ZNF76: variants seen among roughly 807,000 people sequenced by gnomAD.
The protein encoded by ZNF76 is zinc finger protein 76.
A neutral mutation model predicts 66.9 loss-of-function variants in ZNF76; 66 were observed. That is an observed-to-expected ratio of 0.99 (90% CI 0.81 to 1.21). The LOEUF (loss-of-function observed/expected upper bound fraction) is 1.21. Ranked by LOEUF, ZNF76 falls within the 50% of genes most tolerant of loss-of-function variation. ZNF76 has a pLI of 0.00. For synonymous variants in ZNF76, 275 were observed against 296.1 expected (o/e 0.93, Z 0.73); for missense variants, 729 against 760.3 (o/e 0.96, Z 0.48).
rs1483580086 is a variant in ZNF76, at chr6:35,287,857, C to T, written c.432+12C>T. ...AGTATGCCAGCAAGGTGAGCACGCACAGCGTGACACGGTCTGTCACTCTAG... is the reference window on the plus strand; with the variant it reads ...AGTATGCCAGCAAGGTGAGCACGCATAGCGTGACACGGTCTGTCACTCTAG... On this transcript the variant is annotated intron_variant, in intron 5 of 13. Coordinates refer to ENST00000373953, the MANE Select transcript of ZNF76 (RefSeq NM_003427.5). The surrounding 1 kb of genome is among the most constrained non-coding windows in gnomAD (Gnocchi z 4.0). 2.5e-6 allele frequency: 4 copies of T among 1,571,214 alleles called. No homozygotes were observed. The Admixed American group carries it at 7.6e-5, about 30-fold the overall frequency.
intron 2 of ZNF76, among the ~76,000 whole-genome samples, chr6:35,282,746 G>A (rs2150362403): frequency 6.6e-6 from 1 of 152,304 alleles, no homozygotes; most frequent in East Asian, 1.9e-4. Context: ...TTACAGATAA[G>A]TTGTTTATTG....
chr6:35,280,418 A>G (rs1428892111), intron 1 of ZNF76, among the ~76,000 whole-genome samples: 1 of 152,106 alleles, frequency 6.6e-6, no homozygotes, highest in Non-Finnish European at 1.5e-5. Context: ...CTGAGGACAT[A>G]AGTTATAAGG....
chr6:35,290,593 T>A, intron 6 of ZNF76, 48 bp from the exon 7 acceptor site: 1 of 1,605,830 alleles, frequency 6.2e-7, no homozygotes, highest in Admixed American at 1.7e-5. Flanking sequence ...CAAAGAGCCC[T>A]GGTCATACCC....
At chr6:35,267,787 C>T (rs1181294427) in intron 1 of ZNF76, among the ~76,000 whole-genome samples, 3 of 152,126 alleles carry the variant, frequency 2.0e-5, no homozygotes, top group Admixed American at 6.5e-5. Flanking sequence ...AAACAGTGAA[C>T]GTGCATGTCA....
chr6:35,288,563 T>C (rs1789930581), intron 5 of ZNF76, among the ~76,000 whole-genome samples: 1 of 152,254 alleles, frequency 6.6e-6, no homozygotes, highest in Admixed American at 6.5e-5. Context: ...CGTTCCTTCC[T>C]TCCAGCAGTT....
chr6:35,263,204 A>C (rs190303073), intron 1 of ZNF76, among the ~76,000 whole-genome samples: 1 of 152,282 alleles, frequency 6.6e-6, no homozygotes. Flanking sequence ...CTGATAATAG[A>C]TCACCAAAGG....
At chr6:35,294,124 C>T (rs533392695) in intron 12 of ZNF76, 1 of 625,322 alleles carries the variant, frequency 1.6e-6, no homozygotes, top group Admixed American at 3.2e-5. Context: ...TTCTAAATCT[C>T]AATTCAACCC....
chr6:35,263,552 T>A (rs2150334965), intron 1 of ZNF76, among the ~76,000 whole-genome samples: 1 of 152,300 alleles, frequency 6.6e-6, no homozygotes, highest in Admixed American at 6.5e-5. Flanking sequence ...CAGCAATAAA[T>A]ACAGCAGAAA....
chr6:35,286,905 C>G (rs1190294305), intron 4 of ZNF76: 2 of 183,528 alleles, frequency 1.1e-5, no homozygotes, highest in Non-Finnish European at 2.3e-5. Flanking sequence ...AGAAGTGAAA[C>G]AAGCCATCAG....
Position 35,272,819 on chromosome 6 carries a change from C to T in ZNF76, c.-96-8237C>T, listed in dbSNP as rs117544464. On this transcript the variant is annotated intron_variant, in intron 1 of 13. Transcript: ENST00000373953. ...TGCCTGGCAATTATTTTTGTAGAGA[C>T]GGTGTCTGCACCTGACCTCAGCCTC... Among the ~76,000 whole-genome samples the T allele has an allele frequency of 8.5e-4, 129 of 152,126 alleles. 1 individual carries two copies. In the East Asian group the frequency reaches 0.021, roughly 25 times the overall value.
At chr6:35,264,152 G>A (rs994240281) in intron 1 of ZNF76, among the ~76,000 whole-genome samples, 1 of 152,168 alleles carries the variant, frequency 6.6e-6, no homozygotes, top group Non-Finnish European at 1.5e-5. Flanking sequence ...TCTGCATCAG[G>A]TGTACAAAAG....
At position 35,271,388 on chromosome 6, in the gene ZNF76, C is replaced by G. The variant is rs1409642277; in HGVS notation, c.-96-9668C>G. ...CTTTGAGTTAAGAATATAGCAGATT[C>G]TGCTGCACAGTGGCTCACGCCTGTA... On this transcript the variant is annotated intron_variant, in intron 1 of 13. Transcript: ENST00000373953. Among the ~76,000 whole-genome samples, 3 of 152,258 alleles carry G rather than the reference C, an allele frequency of 2.0e-5. No individual in the cohort carries two copies. In the East Asian group the frequency reaches 5.8e-4, roughly 29 times the overall value.
chr6:35,287,989 GC>G lies in ZNF76; in HGVS notation c.432+148del, dbSNP rs1451584965. 13 of 946,556 alleles carry G rather than the reference GC, an allele frequency of 1.4e-5. No homozygotes were observed. The Admixed American group carries it at 1.8e-4, about 13-fold the overall frequency. The allele number at this position is 946,556 out of a possible 1,614,324, so 58.6% of individuals were successfully genotyped here. A position where few individuals can be genotyped will look rare whatever the true frequency, so the allele number is the denominator to read the frequency against. Reference sequence around the variant, plus strand: ...GGGCACCATGTGGGATATTCCCTTTGCCCCTCCACCCCAGCTCCCCCAACTC... The same window carrying G: ...GGGCACCATGTGGGATATTCCCTTTGCCCTCCACCCCAGCTCCCCCAACTC... On this transcript the variant is annotated intron_variant, in intron 5 of 13. Coordinates refer to ENST00000373953, the MANE Select transcript of ZNF76 (RefSeq NM_003427.5). This position sits in a 1 kb window ranked among gnomAD's most constrained non-coding sequence, Gnocchi z 4.0.
chr6:35,292,357 T>A lies in ZNF76; in HGVS notation c.932-197T>A. 1.6e-6 allele frequency: 1 copy of A among 618,834 alleles called. No homozygotes were observed. The highest frequency in any genetic ancestry group is 2.7e-5 in the Admixed American group (1 of 36,700). The allele number at this position is 618,834 out of a possible 1,614,324, so 38.3% of individuals were successfully genotyped here. ...GTTTCCTTTCCGCCTTGTCTCTGGATTCAGTGGTTCAACACCTGTGTCCTC... is the reference window on the plus strand; with the variant it reads ...GTTTCCTTTCCGCCTTGTCTCTGGAATCAGTGGTTCAACACCTGTGTCCTC... On this transcript the variant is annotated intron_variant, in intron 9 of 13. Transcript: ENST00000373953. The surrounding 1 kb of genome is among the most constrained non-coding windows in gnomAD (Gnocchi z 4.7).
intron 1 of ZNF76, among the ~76,000 whole-genome samples, chr6:35,269,421 G>A (rs1425138761): frequency 1.3e-5 from 2 of 152,066 alleles, no homozygotes; most frequent in Admixed American, 6.6e-5. Flanking sequence ...AAGCCAGAGT[G>A]CCTCTTTTCT....
chr6:35,260,305 C>T lies in ZNF76; in HGVS notation c.-97+464C>T, dbSNP rs1030409794. Among the ~76,000 whole-genome samples, 71 of 152,040 alleles carry T rather than the reference C, an allele frequency of 4.7e-4. 1 individual carries two copies. Among genetic ancestry groups the T allele is most frequent in the African/African-American group, 1.7e-3 (69 of 41,364 alleles). On this transcript the variant is annotated intron_variant, in intron 1 of 13. Transcript: ENST00000373953. ...TAACCCTCCTGGCCCAGTAACCCCC[C>T]CGATTCTACCTTGTGTTCCCCACAA... is the stretch of plus-strand genomic sequence containing the variant.
rs759006880 is a variant in ZNF76 at position 35,291,314 on chromosome 6, G to A, written c.662G>A (p.Gly221Asp). The A allele has an allele frequency of 6.2e-7, 1 of 1,613,710 alleles. No homozygotes were observed. The highest frequency in any genetic ancestry group is 2.2e-5 in the East Asian group (1 of 44,866). ...GLKSHVRTHT[G>D]EKPYKCPEEL... is the part of the protein sequence containing the mutation. ...AAGAGCCACGTTCGTACCCACACTG[G>A]TGAGAAACCATACAAGTGCCCAGAG... The change falls in exon 8 of 14, where the codon GGT becomes GAT. Residue 221 changes from glycine to aspartate, a missense_variant. Coordinates refer to ENST00000373953, the MANE Select transcript of ZNF76 (RefSeq NM_003427.5).
chr6:35,273,882 A>G (rs998776681), intron 1 of ZNF76, among the ~76,000 whole-genome samples: 3 of 152,172 alleles, frequency 2.0e-5, no homozygotes, highest in Admixed American at 1.3e-4. Flanking sequence ...AATTGAAGAA[A>G]AAAAGCAATA....
chr6:35,286,007 C>G (rs1789508658), intron 2 of ZNF76, 121 bp from the exon 3 acceptor site: 1 of 863,828 alleles, frequency 1.2e-6, no homozygotes, highest in African/African-American at 1.7e-5. Flanking sequence ...AAGATGTTAC[C>G]CATGCTTAGA....
Sources: gnomAD v4.1 joint callset for allele counts (sites outside exome capture counted in the v4.1 genomes callset) on GRCh38, gnomAD v4.1.1 for gene constraint, Gnocchi (gnomAD v3.1) non-coding constraint, MANE v1.5 for transcripts, NCBI Gene and HGNC (gene_info 2026-07-23, HGNC 2026-07-21) for gene names.